Variants in PREP observed in about 807,000 individuals in gnomAD.
PREP encodes prolyl endopeptidase, also known as dJ355L5.1 (prolyl endopeptidase).
Under a neutral mutation model 87.6 loss-of-function variants are expected in PREP, and 29 were observed. The observed-to-expected ratio is 0.33, with a 90% CI of 0.25 to 0.45. The LOEUF (loss-of-function observed/expected upper bound fraction) is 0.45, where lower values mean the gene tolerates loss of function less well. Ranked by LOEUF, PREP falls within the 20% of genes least tolerant of loss-of-function variation. PREP has a pLI of 1.00. For missense variants in PREP, 695 were observed against 886.5 expected (o/e 0.78, Z 2.74); for synonymous variants, 337 against 328.6 (o/e 1.03, Z -0.28).
chr6:105,309,558 C>T lies in PREP; in HGVS notation c.1317+14107G>A, dbSNP rs192399096. 2.6e-5 allele frequency among the ~76,000 whole-genome samples: 4 copies of T among 152,244 alleles called. No homozygotes were observed. The East Asian group carries it at 7.7e-4, about 29-fold the overall frequency. On this transcript the variant is annotated intron_variant, in intron 10 of 14. Coordinates refer to ENST00000652536, the MANE Select transcript of PREP (RefSeq NM_002726.5). ...AGAGATGGGGTTTCGCCATGTTGGC[C>T]AGGCTGGAAAACTACCTTTTTTTCT...
At chr6:105,293,869 A>C (rs1400665988) in intron 10 of PREP, among the ~76,000 whole-genome samples, 1 of 152,206 alleles carries the variant, frequency 6.6e-6, no homozygotes, top group Non-Finnish European at 1.5e-5. Context: ...GCCATTCAAA[A>C]CAGCCTAGGC....
At chr6:105,328,604 G>C (rs1771234489) in intron 9 of PREP, among the ~76,000 whole-genome samples, 1 of 152,124 alleles carries the variant, frequency 6.6e-6, no homozygotes, top group Non-Finnish European at 1.5e-5. Flanking sequence ...GCCTCCAGAG[G>C]AACAGAGACT....
At chr6:105,374,602 T>C (rs1160221238) in intron 4 of PREP, among the ~76,000 whole-genome samples, 1 of 126,016 alleles carries the variant, frequency 7.9e-6, no homozygotes, top group Non-Finnish European at 1.7e-5. Flanking sequence ...TCACCTTTTA[T>C]TCTACATAGC....
rs1351287497 is a variant in PREP, at chr6:105,273,916, C to T, written c.*4228G>A. ...TTGCCCATTGTTTGTCCCCTCATTC[C>T]GTTCGGGTCTTTGTCCGAATGTTGC... On this transcript the variant is annotated 3_prime_UTR_variant, in exon 15 of 15. Coordinates refer to ENST00000652536, the MANE Select transcript of PREP (RefSeq NM_002726.5). 6.6e-6 allele frequency among the ~76,000 whole-genome samples: 1 copy of T among 152,212 alleles called. No homozygotes were observed. The highest frequency in any genetic ancestry group is 1.5e-5 in the Non-Finnish European group (1 of 68,046).
At chr6:105,334,031 T>G (rs1331189884) in intron 7 of PREP, among the ~76,000 whole-genome samples, 1 of 152,116 alleles carries the variant, frequency 6.6e-6, no homozygotes, top group Non-Finnish European at 1.5e-5. Flanking sequence ...TATAACAAAT[T>G]AGCAGCCAGC....
intron 7 of PREP, among the ~76,000 whole-genome samples, chr6:105,340,451 A>G (rs1231364006): frequency 6.6e-6 from 1 of 152,240 alleles, no homozygotes; most frequent in African/African-American, 2.4e-5. Flanking sequence ...CCAAATTGTA[A>G]AGATCATTGA....
chr6:105,282,605 A>ATAGT (rs754200151), intron 12 of PREP, 23 bp from the exon 13 acceptor site: 7 of 1,604,028 alleles, frequency 4.4e-6, no homozygotes, highest in African/African-American at 2.7e-5. Context: ...AAAGTGGAAG[A>ATAGT]TAGTTAATTA....
intron 10 of PREP, among the ~76,000 whole-genome samples, chr6:105,304,584 A>T (rs1328547957): frequency 6.6e-6 from 1 of 152,130 alleles, no homozygotes; most frequent in East Asian, 1.9e-4. Flanking sequence ...TTGTGCTCCC[A>T]TGTGTCCCCG....
At chr6:105,362,532 G>A (rs891806440) in intron 6 of PREP, among the ~76,000 whole-genome samples, 3 of 152,114 alleles carry the variant, frequency 2.0e-5, no homozygotes, top group Non-Finnish European at 4.4e-5. Flanking sequence ...TAAGAAAAGC[G>A]ATTGATCAAC....
chr6:105,311,354 C>T (rs769372669), intron 10 of PREP, among the ~76,000 whole-genome samples: 5 of 152,184 alleles, frequency 3.3e-5, no homozygotes, highest in African/African-American at 9.7e-5. Flanking sequence ...TCCACTCCCC[C>T]CTTACTCACT....
chr6:105,292,234 A>G (rs928475468), intron 10 of PREP, among the ~76,000 whole-genome samples: 11 of 152,318 alleles, frequency 7.2e-5, no homozygotes, highest in South Asian at 6.2e-4. Flanking sequence ...GCCCAGATCC[A>G]TCAGAGGAAC....
intron 10 of PREP, among the ~76,000 whole-genome samples, chr6:105,309,821 G>A (rs1770725821): frequency 6.6e-6 from 1 of 152,114 alleles, no homozygotes; most frequent in Non-Finnish European, 1.5e-5. Context: ...CCCTTCTCAA[G>A]GGAACTTGTT....
At chr6:105,308,164 T>G (rs1306387369) in intron 10 of PREP, among the ~76,000 whole-genome samples, 1 of 151,862 alleles carries the variant, frequency 6.6e-6, no homozygotes, top group African/African-American at 2.4e-5. Context: ...ATTGAATGCA[T>G]GAAAGAAGCT....
intron 7 of PREP, among the ~76,000 whole-genome samples, chr6:105,338,884 G>A (rs1771551369): frequency 6.6e-6 from 1 of 152,218 alleles, no homozygotes; most frequent in Admixed American, 6.5e-5. Flanking sequence ...AAACAAAGCG[G>A]CTGGGTAACT....
At chr6:105,392,397 T>C (rs564541988) in intron 2 of PREP, among the ~76,000 whole-genome samples, 2 of 152,284 alleles carry the variant, frequency 1.3e-5, no homozygotes, top group African/African-American at 2.4e-5. Flanking sequence ...AACGCTACCA[T>C]GGTTACTCTG....
At chr6:105,329,155 ATTT>A (rs11345908) in intron 8 of PREP, 129 bp from the exon 9 acceptor site, 1,102 of 718,838 alleles carry the variant, frequency 1.5e-3, no homozygotes, top group Non-Finnish European at 1.7e-3. Flanking sequence ...TCACTTTTAC[ATTT>A]TTTTTTTTTT....
At chr6:105,386,047 G>A (rs1772985869) in intron 2 of PREP, among the ~76,000 whole-genome samples, 1 of 152,194 alleles carries the variant, frequency 6.6e-6, no homozygotes, top group African/African-American at 2.4e-5. Flanking sequence ...CTGAACCAGG[G>A]AGTCAGAGAT....
At chr6:105,359,661 C>G (rs116388505) in intron 6 of PREP, among the ~76,000 whole-genome samples, 6 of 152,108 alleles carry the variant, frequency 3.9e-5, no homozygotes, top group South Asian at 4.1e-4. Flanking sequence ...AGCTCTCAGA[C>G]GAGAATCTCT....
intron 5 of PREP, among the ~76,000 whole-genome samples, chr6:105,370,191 C>T (rs1036650390): frequency 3.3e-5 from 5 of 150,070 alleles, no homozygotes; most frequent in Non-Finnish European, 5.9e-5. Flanking sequence ...CAGAAGATGC[C>T]GTGAGCTGAG....
Sources: gnomAD v4.1 joint callset for allele counts (sites outside exome capture counted in the v4.1 genomes callset) on GRCh38, gnomAD v4.1.1 for gene constraint, MANE v1.5 for transcripts, NCBI Gene and HGNC (gene_info 2026-07-23, HGNC 2026-07-21) for gene names.